RPL31: variants seen among roughly 807,000 people sequenced by gnomAD.
RPL31 encodes large ribosomal subunit protein eL31.
For synonymous variants in RPL31, 51 were observed against 55.0 expected, an observed-to-expected ratio of 0.93 and a Z score of 0.32; for missense variants, 95 against 164.0, an observed-to-expected ratio of 0.58 and a Z score of 2.30.
At chr2:101,008,716 G>A (rs1038647469), downstream of RPL31, among the ~76,000 whole-genome samples, 1 of 152,092 alleles carries the variant, frequency 6.6e-6, no homozygotes, top group Non-Finnish European at 1.5e-5. Flanking sequence ...GGAGGCTGAG[G>A]CAGGAGAATC....
chr2:101,010,887 A>G, downstream of RPL31: 1 of 1,567,864 alleles, frequency 6.4e-7, no homozygotes. Context: ...ATCTCAAAAA[A>G]AAAAAAAAAA....
chr2:101,006,333 T>G lies in RPL31; in HGVS notation c.347-17T>G. On this transcript the variant is annotated splice_polypyrimidine_tract_variant and intron_variant, in intron 4 of 4. Transcript: ENST00000264258. ...ATGTGATGTGGGTATGGAAATTGAC[T>G]GTTACTTCCTTTACAGATCTACAGA... is the stretch of plus-strand genomic sequence containing the variant. 6.2e-7 allele frequency: 1 copy of G among 1,607,388 alleles called. No homozygotes were observed. Among genetic ancestry groups the G allele is most frequent in the Non-Finnish European group, 8.5e-7 (1 of 1,177,662 alleles).
chr2:101,014,000 A>G (rs1004045429), intron 4 of RPL31, among the ~76,000 whole-genome samples: 1 of 152,238 alleles, frequency 6.6e-6, no homozygotes, highest in Non-Finnish European at 1.5e-5. Flanking sequence ...TGATAGGAAA[A>G]TCAACTAAGT....
chr2:101,011,461 C>A, downstream of RPL31: 1 of 1,613,884 alleles, frequency 6.2e-7, no homozygotes, highest in Non-Finnish European at 8.5e-7. Flanking sequence ...CATTGGGTTT[C>A]CCGAAAACCA....
chr2:101,008,382 C>G (rs760070358), downstream of RPL31: 131 of 875,154 alleles, frequency 1.5e-4, no homozygotes, highest in Non-Finnish European at 1.9e-4. Context: ...TTTTTGAAGA[C>G]ACAGAATATA....
intron 4 of RPL31, among the ~76,000 whole-genome samples, chr2:101,016,198 A>G (rs1679622180): frequency 6.6e-6 from 1 of 152,254 alleles, no homozygotes; most frequent in Admixed American, 6.5e-5. Flanking sequence ...AATATCCAGA[A>G]TCTACAGTGA....
At position 101,006,411 on chromosome 2, in the gene RPL31, A is replaced by G. The variant is rs749881945; in HGVS notation, c.*30A>G. On this transcript the variant is annotated 3_prime_UTR_variant, in exon 5 of 5. Transcript: ENST00000264258. ...TGATCGTCAGATCAAATAAAGTTAT[A>G]AAATTGCCTTCATGTTTTTGTTCTT... The G allele has an allele frequency of 6.2e-6, 10 of 1,603,284 alleles. No homozygotes were observed. The highest frequency in any genetic ancestry group is 8.5e-6 in the Non-Finnish European group (10 of 1,176,174).
chr2:101,008,769 C>T (rs1056187229), downstream of RPL31, among the ~76,000 whole-genome samples: 5 of 151,560 alleles, frequency 3.3e-5, no homozygotes, highest in South Asian at 2.1e-4. Context: ...CAAGATCACA[C>T]CATTGCACTC....
chr2:101,006,004 TGAG>T lies in RPL31; in HGVS notation c.282_284del (p.Glu94del). ...GTGTGCGGCTGTCCAGAAAACGTAA[TGAG>T]GATGAAGATTCACCAAATAAGCTAT... On this transcript the variant is annotated inframe_deletion, in exon 4 of 5. Transcript: ENST00000264258. 1 of 1,613,768 alleles carries T rather than the reference TGAG, an allele frequency of 6.2e-7. No individual in the cohort carries two copies. Among genetic ancestry groups the T allele is most frequent in the Non-Finnish European group, 8.5e-7 (1 of 1,180,016 alleles).
In RPL31 at chr2:101,004,309, G is replaced by T. The variant is rs999132655; in HGVS notation, c.233+26G>T. On this transcript the variant is annotated intron_variant, in intron 3 of 4. Transcript: ENST00000264258. ...GTGCTAAAGTTATCTGTATTCGAAG[G>T]TGAACTTTTGCAATGACACCAGCTT... 3 of 1,611,986 alleles carry T rather than the reference G, an allele frequency of 1.9e-6. No homozygotes were observed. In the East Asian group the frequency reaches 6.7e-5, roughly 36 times the overall value.
At chr2:101,007,530 A>G, downstream of RPL31, 1 of 380,016 alleles carries the variant, frequency 2.6e-6, no homozygotes, top group Non-Finnish European at 4.8e-6. Flanking sequence ...TTCATCTGAG[A>G]GCAAAATCAA....
downstream of RPL31, chr2:101,010,949 C>A: frequency 6.2e-7 from 1 of 1,611,254 alleles, no homozygotes; most frequent in Non-Finnish European, 8.5e-7. Flanking sequence ...TTGGGCAATT[C>A]TTTCTCAGTT....
exon 5 of RPL31, chr2:101,019,277 A>AG: frequency 2.4e-6 from 1 of 413,502 alleles, no homozygotes; most frequent in Non-Finnish European, 4.3e-6. Context: ...TTAGGCACAC[A>AG]AATTCACATT....
chr2:101,018,072 G>T, intron 4 of RPL31: 1 of 775,586 alleles, frequency 1.3e-6, no homozygotes, highest in Non-Finnish European at 2.0e-6. Flanking sequence ...GACAATCTAG[G>T]CTAATGGGAC....
chr2:101,015,189 G>A (rs769412254), intron 4 of RPL31, among the ~76,000 whole-genome samples: 11 of 152,092 alleles, frequency 7.2e-5, no homozygotes, highest in Non-Finnish European at 1.3e-4. Flanking sequence ...AATGGTAGCT[G>A]TGTATCTAAA....
chr2:101,007,687 G>T, downstream of RPL31: 1 of 900,180 alleles, frequency 1.1e-6, no homozygotes, highest in Non-Finnish European at 1.7e-6. Flanking sequence ...CCTGGCCACA[G>T]TTTGTCAGGT....
At chr2:101,010,863 CAG>C, downstream of RPL31, 2 of 1,368,106 alleles carry the variant, frequency 1.5e-6, no homozygotes, top group South Asian at 1.2e-5. Context: ...GCCTGGGCGA[CAG>C]AGCGAGACTC....
chr2:101,003,028 C>A (rs1388093981), intron 2 of RPL31, among the ~76,000 whole-genome samples: 1 of 152,152 alleles, frequency 6.6e-6, no homozygotes, highest in African/African-American at 2.4e-5. Flanking sequence ...CTTTCTTAGC[C>A]GAATGCGGAC....
chr2:101,014,482 A>T (rs1166353164), intron 4 of RPL31, among the ~76,000 whole-genome samples: 1 of 152,150 alleles, frequency 6.6e-6, no homozygotes, highest in East Asian at 1.9e-4. Flanking sequence ...TTTCATCAAC[A>T]CATCATCCCT....
Sources: allele counts gnomAD v4.1 joint callset (sites outside exome capture counted in the v4.1 genomes callset), GRCh38; gene constraint gnomAD v4.1.1; transcripts MANE v1.5; gene names NCBI Gene and HGNC (gene_info 2026-07-23, HGNC 2026-07-21).